ARFGEF3: variants seen among roughly 807,000 people sequenced by gnomAD.
ARFGEF3 encodes ARFGEF family member 3.
ARFGEF3 carries 96 observed loss-of-function variants against 221.7 expected under a neutral mutation model. The ratio of observed to expected loss-of-function variants is 0.43; its 90% CI spans 0.37 to 0.51. The LOEUF (loss-of-function observed/expected upper bound fraction) is 0.51, where lower values mean the gene tolerates loss of function less well. ARFGEF3 is among the 20% of genes least tolerant of loss of function. The probability of loss-of-function intolerance (pLI) is 0.00; values close to 1 mark genes in which losing one functional copy is unlikely to be tolerated. For missense variants in ARFGEF3, 2,410 were observed against 2,789.9 expected, an observed-to-expected ratio of 0.86 and a Z score of 3.07; for synonymous variants, 1,145 against 1,126.8, an observed-to-expected ratio of 1.02 and a Z score of -0.32.
intron 23 of ARFGEF3, among the ~76,000 whole-genome samples, chr6:138,307,733 A>G (rs1046466674): frequency 1.3e-5 from 2 of 152,222 alleles, no homozygotes; most frequent in Admixed American, 1.3e-4. Flanking sequence ...GTATCATAAC[A>G]CAGAGTAACC....
Position 138,263,571 on chromosome 6 carries a change from G to A in ARFGEF3, c.2088G>A (p.Val696=). 6.2e-7 allele frequency: 1 copy of A among 1,610,918 alleles called. No homozygotes were observed. The highest frequency in any genetic ancestry group is 1.1e-5 in the South Asian group (1 of 91,034). The change falls in exon 12 of 34, where the codon GTG becomes GTA. Residue 696 remains valine (V), a synonymous_variant. Transcript: ENST00000251691. Reference sequence around the variant, plus strand: ...TGTCTCTCTCCAATGTAGAGGAGGTGGACACCGCTCTGCAGAACTTTGCCT... The same window carrying A: ...TGTCTCTCTCCAATGTAGAGGAGGTAGACACCGCTCTGCAGAACTTTGCCT... The part of the protein sequence containing the change: ...RLLSLSNVEE[V]DTALQNFAST...
At chr6:138,267,607 A>G (rs1056457385) in intron 12 of ARFGEF3, among the ~76,000 whole-genome samples, 3 of 152,214 alleles carry the variant, frequency 2.0e-5, no homozygotes, top group Admixed American at 6.5e-5. Context: ...TATAAGAATT[A>G]AGAAATATAA....
At chr6:138,300,510 A>G (rs987234631) in intron 22 of ARFGEF3, among the ~76,000 whole-genome samples, 1 of 152,208 alleles carries the variant, frequency 6.6e-6, no homozygotes, top group African/African-American at 2.4e-5. Context: ...GTGAAGAACT[A>G]CAAGGCCAAG....
intron 2 of ARFGEF3, 118 bp downstream of exon 2, chr6:138,170,831 A>G: frequency 3.2e-6 from 2 of 623,802 alleles, no homozygotes; most frequent in Non-Finnish European, 5.8e-6. Context: ...ACAGAATACT[A>G]CAGACTGGGT....
At chr6:138,195,293 C>T (rs949331437) in intron 2 of ARFGEF3, among the ~76,000 whole-genome samples, 2 of 151,908 alleles carry the variant, frequency 1.3e-5, no homozygotes, top group African/African-American at 2.4e-5. Context: ...TGTGAGCCAC[C>T]GCACCTGGCA....
At chr6:138,217,809 C>T in intron 4 of ARFGEF3, 1 of 866,968 alleles carries the variant, frequency 1.2e-6, no homozygotes, top group Non-Finnish European at 1.6e-6. Context: ...TGAGAAAGAT[C>T]AACATGGGTT....
intron 5 of ARFGEF3, among the ~76,000 whole-genome samples, chr6:138,232,574 A>C (rs1330955426): frequency 1.3e-5 from 2 of 152,190 alleles, no homozygotes; most frequent in South Asian, 4.1e-4. Flanking sequence ...GGAAACTTCC[A>C]GTCTTTGATT....
At chr6:138,272,277 T>C (rs866307735) in intron 12 of ARFGEF3, among the ~76,000 whole-genome samples, 1 of 152,184 alleles carries the variant, frequency 6.6e-6, no homozygotes, top group Non-Finnish European at 1.5e-5. Context: ...TGCCTCAGCC[T>C]CCTGAGAAGC....
chr6:138,179,404 A>T (rs762352789), intron 2 of ARFGEF3, among the ~76,000 whole-genome samples: 2 of 152,156 alleles, frequency 1.3e-5, no homozygotes, highest in Non-Finnish European at 2.9e-5. Flanking sequence ...TTCAGAGCCA[A>T]CCTCAGCCTA....
intron 22 of ARFGEF3, among the ~76,000 whole-genome samples, chr6:138,305,303 T>C (rs7740693): frequency 0.012 from 1,797 of 149,934 alleles, 17 homozygotes; most frequent in African/African-American, 0.028. Flanking sequence ...AAAAAAAAAA[T>C]CCTTTAAAAA....
At chr6:138,201,942 A>G (rs1438307822) in intron 2 of ARFGEF3, among the ~76,000 whole-genome samples, 1 of 152,232 alleles carries the variant, frequency 6.6e-6, no homozygotes, top group Admixed American at 6.5e-5. Context: ...TGTTAGCCTA[A>G]TAAAGCTGGT....
Position 138,292,026 on chromosome 6 carries a change from T to G in ARFGEF3, c.3341T>G (p.Val1114Gly). 1 of 1,487,540 alleles carries G rather than the reference T, an allele frequency of 6.7e-7. No individual in the cohort carries two copies. The highest frequency in any genetic ancestry group is 2.7e-5 in the East Asian group (1 of 37,646). 92.1% of individuals were successfully genotyped at this position (1,487,540 alleles called of 1,614,324 possible). A position where few individuals can be genotyped will look rare whatever the true frequency, so the allele number is the denominator to read the frequency against. Residue 1114 changes from valine to glycine, a missense_variant, in exon 19 of 34, where the codon GTG (valine) becomes GGG (glycine). This residue lies in a region of ARFGEF3 where 184 missense variants were observed against 141.8 expected (regional missense o/e 1.30). Transcript: ENST00000251691. Reference protein sequence around the residue: ...LMSGSSAAKVVLTLSTQADRL... With the variant: ...LMSGSSAAKVGLTLSTQADRL... ...AGCGGGAGCAGCGCGGCCAAGGTGG[T>G]GCTCACCCTCTCCACGCAAGCCGAC...
intron 13 of ARFGEF3, among the ~76,000 whole-genome samples, chr6:138,279,297 C>T (rs1779155728): frequency 6.6e-6 from 1 of 152,224 alleles, no homozygotes; most frequent in Non-Finnish European, 1.5e-5. Flanking sequence ...GGATTACAGG[C>T]ATGAGCCACC....
At position 138,344,069 on chromosome 6, in the gene ARFGEF3, A is replaced by C. The variant is rs1048180543; in HGVS notation, c.*7583A>C. The C allele has an allele frequency of 5.3e-5, 8 of 152,184 alleles. No individual in the cohort carries two copies. Among genetic ancestry groups the C allele is most frequent in the Admixed American group, 2.6e-4 (4 of 15,272 alleles). 9.4% of individuals were successfully genotyped at this position (152,184 alleles called of 1,614,324 possible). ...TTTTCCCGCTTTTCTAAGAGGAATAAACTTAGACAAATTACATTATAAACA... is the reference window on the plus strand; with the variant it reads ...TTTTCCCGCTTTTCTAAGAGGAATACACTTAGACAAATTACATTATAAACA... On this transcript the variant is annotated 3_prime_UTR_variant, in exon 34 of 34. Transcript: ENST00000251691.
chr6:138,162,220 G>C lies in ARFGEF3; in HGVS notation c.85+49G>C, dbSNP rs1776629703. 1 of 1,442,520 alleles carries C rather than the reference G, an allele frequency of 6.9e-7. No homozygotes were observed. The allele number at this position is 1,442,520 out of a possible 1,614,324, so 89.4% of individuals were successfully genotyped here. A position where few individuals can be genotyped will look rare whatever the true frequency, so the allele number is the denominator to read the frequency against. ...CGCGGCGGGAGGGCCGCGCGGCCGG[G>C]GCTGAACCCGCGCCTCCGCGCGTGG... is the stretch of plus-strand genomic sequence containing the variant. On this transcript the variant is annotated intron_variant, in intron 1 of 33. Coordinates refer to ENST00000251691, the MANE Select transcript of ARFGEF3 (RefSeq NM_020340.5). This position sits in a 1 kb window ranked among gnomAD's most constrained non-coding sequence, Gnocchi z 4.7.
chr6:138,184,586 G>T (rs1777146796), intron 2 of ARFGEF3, among the ~76,000 whole-genome samples: 1 of 152,178 alleles, frequency 6.6e-6, no homozygotes, highest in South Asian at 2.1e-4. Context: ...ATATAAAAGG[G>T]CCCAGCTTGT....
chr6:138,335,127 G>T lies in ARFGEF3; in HGVS notation c.6281G>T (p.Arg2094Leu). The change falls in exon 33 of 34, where the codon CGC (arginine) becomes CTC (leucine). Residue 2094 changes from arginine (R) to leucine (L), a missense_variant. Coordinates refer to ENST00000251691, the MANE Select transcript of ARFGEF3 (RefSeq NM_020340.5). ...CTGCTGCGACAGGACAAGAGGCCCC[G>T]CTCAGGCTCCACCGGGAGCTCCCTC... ...PELLRQDKRP[R>L]SGSTGSSLSV... is the part of the protein sequence containing the mutation. 6.3e-7 allele frequency: 1 copy of T among 1,595,944 alleles called. No homozygotes were observed. Among genetic ancestry groups the T allele is most frequent in the Non-Finnish European group, 8.5e-7 (1 of 1,173,282 alleles).
chr6:138,295,155 G>A (rs1192721838), intron 20 of ARFGEF3, among the ~76,000 whole-genome samples: 1 of 152,162 alleles, frequency 6.6e-6, no homozygotes, highest in Non-Finnish European at 1.5e-5. Context: ...CAGGGGCCAG[G>A]AAGGGTCGGT....
At chr6:138,254,363 G>A (rs896819980) in intron 9 of ARFGEF3, among the ~76,000 whole-genome samples, 2 of 150,670 alleles carry the variant, frequency 1.3e-5, no homozygotes, top group African/African-American at 2.4e-5. Context: ...AGGTTGCAGC[G>A]AGCGGAGATA....
Sources: allele counts gnomAD v4.1 joint callset (sites outside exome capture counted in the v4.1 genomes callset), GRCh38; gene constraint gnomAD v4.1.1; regional missense constraint gnomAD v4.1.1; non-coding constraint Gnocchi (gnomAD v3.1); transcripts MANE v1.5; gene names NCBI Gene and HGNC (gene_info 2026-07-23, HGNC 2026-07-21).